The following PACRGL variants were observed in gnomAD, a reference collection of about 807,000 sequenced individuals.
PACRGL encodes the protein PACRG-like protein.
Under a neutral mutation model 34.5 loss-of-function variants are expected in PACRGL, and 38 were observed. That is an observed-to-expected ratio of 1.10 (90% CI 0.85 to 1.44). The LOEUF (loss-of-function observed/expected upper bound fraction) is 1.44. PACRGL is among the 40% of genes most tolerant of loss of function. PACRGL has a pLI of 0.00. For synonymous variants in PACRGL, 128 were observed against 100.1 expected (o/e 1.28, Z -1.66); for missense variants, 305 against 281.4 (o/e 1.08, Z -0.60).
At chr4:20,735,398 C>T (rs1749344299), downstream of PACRGL, among the ~76,000 whole-genome samples, 1 of 152,222 alleles carries the variant, frequency 6.6e-6, no homozygotes, top group South Asian at 2.1e-4. Context: ...CTGCTTATAA[C>T]AGTCCTTGGC....
intron 5 of PACRGL, among the ~76,000 whole-genome samples, chr4:20,710,440 A>C (rs1736645571): frequency 6.6e-6 from 1 of 152,184 alleles, no homozygotes; most frequent in Admixed American, 6.5e-5. Context: ...TCTTGTATTT[A>C]AACTTTTAAT....
At chr4:20,761,986 T>C in the PACRGL span, among the ~76,000 whole-genome samples, 1 of 152,188 alleles carries the variant, frequency 6.6e-6, no homozygotes, top group Non-Finnish European at 1.5e-5. Context: ...TCAAAGGTCT[T>C]CCCATCATGG....
upstream of PACRGL, among the ~76,000 whole-genome samples, chr4:20,698,157 G>A (rs1346887988): frequency 2.6e-5 from 4 of 152,014 alleles, no homozygotes; most frequent in Admixed American, 2.6e-4. Context: ...CTGGAGCCTG[G>A]GTGATATAGT....
chr4:20,713,567 T>C, intron 7 of PACRGL, 28 bp downstream of exon 7: 1 of 1,526,252 alleles, frequency 6.6e-7, no homozygotes, highest in Admixed American at 1.7e-5. Flanking sequence ...TAGATAATGA[T>C]TGACTGTATG....
chr4:20,727,386 C>T lies in PACRGL; in HGVS notation c.*45C>T, dbSNP rs772785267. ...TTGTTTTTTCTACCTGTTGACGTGT[C>T]AAGCACTAACTGTGGGTACTCATTT... On this transcript the variant is annotated 3_prime_UTR_variant, in exon 9 of 9. Transcript: ENST00000503585. 12 of 1,441,320 alleles carry T rather than the reference C, an allele frequency of 8.3e-6. No homozygotes were observed. Among genetic ancestry groups the T allele is most frequent in the African/African-American group, 1.4e-5 (1 of 71,300 alleles). 89.3% of individuals were successfully genotyped at this position (1,441,320 alleles called of 1,614,324 possible).
intron 1 of PACRGL, among the ~76,000 whole-genome samples, chr4:20,703,715 C>G (rs926989378): frequency 6.6e-6 from 1 of 152,074 alleles, no homozygotes; most frequent in African/African-American, 2.4e-5. Flanking sequence ...TTTTATTTCC[C>G]TCTTTAAACA....
chr4:20,712,747 G>A lies in PACRGL; in HGVS notation c.367-41G>A, dbSNP rs758934466. ...TCAATTTTTCTGTTATTAGCATAAT[G>A]AAATGGGTAGTAAATCATGTTTCCT... On this transcript the variant is annotated intron_variant, in intron 5 of 8. Coordinates refer to ENST00000503585, the MANE Select transcript of PACRGL (RefSeq NM_001258345.3). The A allele has an allele frequency of 8.6e-6, 12 of 1,392,176 alleles. No individual in the cohort carries two copies. The South Asian group carries it at 2.3e-4, about 27-fold the overall frequency. 86.2% of individuals were successfully genotyped at this position (1,392,176 alleles called of 1,614,324 possible).
chr4:20,703,333 C>G (rs1733044005), intron 1 of PACRGL, among the ~76,000 whole-genome samples: 1 of 151,948 alleles, frequency 6.6e-6, no homozygotes, highest in African/African-American at 2.4e-5. Flanking sequence ...AGTGAGGGAA[C>G]AGAGTAATCA....
At chr4:20,765,886 A>C in the PACRGL span, among the ~76,000 whole-genome samples, 1 of 152,204 alleles carries the variant, frequency 6.6e-6, no homozygotes. Context: ...CTCTCAGGCC[A>C]TGTGGGGACA....
chr4:20,762,563 T>G, the PACRGL span, among the ~76,000 whole-genome samples: 1 of 152,260 alleles, frequency 6.6e-6, no homozygotes, highest in East Asian at 1.9e-4. Context: ...TTCTGTGCAG[T>G]GATCTCTCCA....
At chr4:20,765,275 T>C in the PACRGL span, among the ~76,000 whole-genome samples, 45 of 152,310 alleles carry the variant, frequency 3.0e-4, no homozygotes, top group African/African-American at 9.6e-4. Flanking sequence ...TTATTACTTT[T>C]TCTTCTATTA....
chr4:20,749,531 C>T (rs1753192346), intron 8 of PACRGL: 2 of 545,920 alleles, frequency 3.7e-6, no homozygotes, highest in Admixed American at 3.3e-5. Context: ...TTGGCAATTA[C>T]ATGAGAGAAA....
At chr4:20,748,475 C>T (rs1182807261) in intron 8 of PACRGL, among the ~76,000 whole-genome samples, 1 of 150,972 alleles carries the variant, frequency 6.6e-6, no homozygotes, top group African/African-American at 2.4e-5. Context: ...ATCTGCTTCC[C>T]TTTATCAGAG....
intron 7 of PACRGL, among the ~76,000 whole-genome samples, chr4:20,715,532 T>A (rs551574648): frequency 6.6e-6 from 1 of 152,194 alleles, no homozygotes; most frequent in South Asian, 2.1e-4. Context: ...CTATTTTTTT[T>A]AAATGGAAAG....
At chr4:20,766,016 T>C in the PACRGL span, among the ~76,000 whole-genome samples, 2 of 152,202 alleles carry the variant, frequency 1.3e-5, no homozygotes, top group African/African-American at 4.8e-5. Flanking sequence ...TTTATTGGTA[T>C]TGATATTTTA....
chr4:20,760,171 T>C, the PACRGL span, among the ~76,000 whole-genome samples: 2 of 152,158 alleles, frequency 1.3e-5, no homozygotes, highest in African/African-American at 2.4e-5. Context: ...TAGTCTCTTT[T>C]AGTAGATTCT....
rs533810123 is a variant in PACRGL at position 20,738,862 on chromosome 4, T to C, written c.*56+11465T>C. 2.8e-3 allele frequency among the ~76,000 whole-genome samples: 419 copies of C among 152,274 alleles called. 3 individuals carry two copies. The highest frequency in any genetic ancestry group is 9.8e-3 in the African/African-American group (408 of 41,562). On this transcript the variant is annotated intron_variant, in intron 8 of 8. Transcript: ENST00000507634. Reference sequence around the variant, plus strand: ...AGCCAAGGGAAGCTGTGACAGATGGTACCTGGAGAATCAGGACACTTCCTG... The same window carrying C: ...AGCCAAGGGAAGCTGTGACAGATGGCACCTGGAGAATCAGGACACTTCCTG...
the PACRGL span, among the ~76,000 whole-genome samples, chr4:20,763,155 C>T: frequency 6.6e-6 from 1 of 152,138 alleles, no homozygotes; most frequent in Non-Finnish European, 1.5e-5. Context: ...CAAAGCATAA[C>T]CACATCACCA....
chr4:20,712,713 A>G, intron 5 of PACRGL, 75 bp from the exon 6 acceptor site: 4 of 1,274,660 alleles, frequency 3.1e-6, no homozygotes, highest in Non-Finnish European at 4.1e-6. Context: ...TGTTTAAGCA[A>G]GTAAAGACTC....
Sources: gnomAD v4.1 joint callset for allele counts (sites outside exome capture counted in the v4.1 genomes callset) on GRCh38, gnomAD v4.1.1 for gene constraint, MANE v1.5 for transcripts, NCBI Gene and HGNC (gene_info 2026-07-23, HGNC 2026-07-21) for gene names.